Variants in PREX2 observed in about 807,000 individuals in gnomAD.
PREX2 encodes the protein phosphatidylinositol 3,4,5-trisphosphate-dependent Rac exchanger 2 protein.
PREX2 carries 107 observed loss-of-function variants against 203.2 expected under a neutral mutation model. That is an observed-to-expected ratio of 0.53 (90% CI 0.45 to 0.62). The LOEUF (loss-of-function observed/expected upper bound fraction) is 0.62, where lower values mean the gene tolerates loss of function less well. PREX2 is among the 20% of genes least tolerant of loss of function. The pLI is 0.00. For synonymous variants in PREX2, 672 were observed against 663.6 expected (o/e 1.01, Z -0.19); for missense variants, 1,777 against 1,955.9 (o/e 0.91, Z 1.72).
At chr8:68,184,562 C>G (rs1812151755) in intron 35 of PREX2, among the ~76,000 whole-genome samples, 1 of 152,124 alleles carries the variant, frequency 6.6e-6, no homozygotes, top group Non-Finnish European at 1.5e-5. Flanking sequence ...TCTGTCTGAC[C>G]AAGTGAGAAC....
At chr8:68,172,400 G>A (rs1029255855) in intron 35 of PREX2, among the ~76,000 whole-genome samples, 4 of 152,192 alleles carry the variant, frequency 2.6e-5, no homozygotes, top group Non-Finnish European at 5.9e-5. Context: ...ACCAAGGACA[G>A]CACCTCGTGC....
chr8:68,114,153 C>T (rs779155868), intron 25 of PREX2, among the ~76,000 whole-genome samples: 9 of 152,154 alleles, frequency 5.9e-5, no homozygotes, highest in Non-Finnish European at 8.8e-5. Context: ...TGAGCCACCG[C>T]GCCCGGCCCT....
intron 30 of PREX2, among the ~76,000 whole-genome samples, chr8:68,123,629 C>G (rs117683872): frequency 0.011 from 1,694 of 151,960 alleles, 11 homozygotes; most frequent in Middle Eastern, 0.027. Flanking sequence ...TAACTATGGA[C>G]ACCTCTATGC....
At chr8:67,986,364 G>A (rs10088446) in intron 1 of PREX2, among the ~76,000 whole-genome samples, 59,838 of 151,590 alleles carry the variant, frequency 0.39, 12,032 homozygotes, top group East Asian at 0.6. Flanking sequence ...TTGTGATGGA[G>A]TTCCTGCTCT....
chr8:67,955,134 C>T (rs1585650263), intron 1 of PREX2, among the ~76,000 whole-genome samples: 2 of 115,968 alleles, frequency 1.7e-5, no homozygotes, highest in East Asian at 2.6e-4. Context: ...GATGACAGAG[C>T]GAGACTCCAT....
chr8:68,220,018 G>T (rs1812923019), intron 38 of PREX2, among the ~76,000 whole-genome samples: 2 of 151,768 alleles, frequency 1.3e-5, no homozygotes, highest in Non-Finnish European at 2.9e-5. Context: ...TTTGTATTAT[G>T]ATATATTAGA....
In PREX2 at chr8:68,167,330, C is replaced by CTT. The variant is rs58354162; in HGVS notation, c.4346+9908_4346+9909dup. 3.2e-3 allele frequency among the ~76,000 whole-genome samples: 446 copies of CTT among 138,632 alleles called. 5 individuals are homozygous for CTT. Among genetic ancestry groups the CTT allele is most frequent in the East Asian group, 9.0e-3 (42 of 4,676 alleles). 90.9% of individuals were successfully genotyped at this position (138,632 alleles called of 152,430 possible). Reference sequence around the variant, plus strand: ...TGCATCAGCAATGATGTGTTCTCTTCTTTTTTTTTTTTTTTGGAGACAGAG... The same window carrying CTT: ...TGCATCAGCAATGATGTGTTCTCTTCTTTTTTTTTTTTTTTTTGGAGACAGAG... On this transcript the variant is annotated intron_variant, in intron 35 of 39. Coordinates refer to ENST00000288368, the MANE Select transcript of PREX2 (RefSeq NM_024870.4).
chr8:68,202,938 T>G (rs373271780), intron 37 of PREX2, among the ~76,000 whole-genome samples: 1 of 152,292 alleles, frequency 6.6e-6, no homozygotes, highest in Admixed American at 6.5e-5. Context: ...TCACACTCCT[T>G]GGAGATAAAG....
chr8:68,137,741 C>G (rs1182116652), intron 32 of PREX2, among the ~76,000 whole-genome samples: 1 of 152,170 alleles, frequency 6.6e-6, no homozygotes, highest in African/African-American at 2.4e-5. Context: ...GAGACACACA[C>G]TAACTTTTTT....
At chr8:68,108,719 T>C (rs1178704412) in intron 24 of PREX2, among the ~76,000 whole-genome samples, 1 of 152,180 alleles carries the variant, frequency 6.6e-6, no homozygotes, top group Non-Finnish European at 1.5e-5. Flanking sequence ...CAAACTATCC[T>C]CTAGTTTTTA....
intron 1 of PREX2, among the ~76,000 whole-genome samples, chr8:67,994,321 T>C (rs747639069): frequency 2.6e-5 from 4 of 152,200 alleles, no homozygotes; most frequent in Admixed American, 6.5e-5. Context: ...AGTCACCTTG[T>C]TTGCGTTTGA....
intron 35 of PREX2, among the ~76,000 whole-genome samples, chr8:68,165,954 G>A: frequency 6.6e-6 from 1 of 152,274 alleles, no homozygotes; most frequent in East Asian, 1.9e-4. Context: ...GAAAGTATCT[G>A]CAATGTTTTA....
Position 68,217,617 on chromosome 8 carries a change from T to A in PREX2, c.4606T>A (p.Cys1536Ser). The change falls in exon 38 of 40, where the codon TGC becomes AGC. Residue 1536 changes from cysteine to serine, a missense_variant and splice_region_variant. Cys to Ser is a moderately radical substitution (Grantham distance 112, BLOSUM62 -1). Coordinates refer to ENST00000288368, the MANE Select transcript of PREX2 (RefSeq NM_024870.4). The stretch of plus-strand genomic sequence containing the variant: ...ACTTGCCCTTGCCTTGGCCCACAGG[T>A]GCACCCTGAGCGTGACGCTGGAGCA... Reference protein sequence around the residue: ...IIMCSSGVHRCTLSVTLEQAI... With the variant: ...IIMCSSGVHRSTLSVTLEQAI... 6.2e-7 allele frequency: 1 copy of A among 1,613,958 alleles called. No individual in the cohort carries two copies. Among genetic ancestry groups the A allele is most frequent in the South Asian group, 1.1e-5 (1 of 91,078 alleles).
intron 35 of PREX2, among the ~76,000 whole-genome samples, chr8:68,179,572 C>G (rs1413778310): frequency 6.6e-6 from 1 of 152,052 alleles, no homozygotes; most frequent in Admixed American, 6.6e-5. Context: ...TCTGTTTTCC[C>G]ATAAAGGAAA....
At chr8:68,230,092 A>G (rs956561525) in intron 39 of PREX2, among the ~76,000 whole-genome samples, 1 of 152,206 alleles carries the variant, frequency 6.6e-6, no homozygotes, top group African/African-American at 2.4e-5. Flanking sequence ...GCAAACCTCC[A>G]AAGTCAATAG....
intron 11 of PREX2, 58 bp from the exon 12 acceptor site, chr8:68,068,975 G>C: frequency 1.5e-6 from 1 of 669,802 alleles, no homozygotes; most frequent in Non-Finnish European, 2.4e-6. Context: ...TTTATTTGCT[G>C]TTTATCTGCC....
At chr8:68,025,708 T>C (rs574027765) in intron 4 of PREX2, among the ~76,000 whole-genome samples, 1 of 152,180 alleles carries the variant, frequency 6.6e-6, no homozygotes, top group Admixed American at 6.5e-5. Context: ...CAAGCGATCC[T>C]CTTACCTCAG....
At chr8:68,184,806 C>T (rs944388689) in intron 35 of PREX2, among the ~76,000 whole-genome samples, 1 of 152,126 alleles carries the variant, frequency 6.6e-6, no homozygotes, top group African/African-American at 2.4e-5. Flanking sequence ...CTGATTTAAC[C>T]TCTGTATATT....
At chr8:68,014,557 C>G (rs1455722051) in intron 1 of PREX2, among the ~76,000 whole-genome samples, 1 of 152,062 alleles carries the variant, frequency 6.6e-6, no homozygotes, top group Admixed American at 6.6e-5. Context: ...ATTATTGTGA[C>G]CTGTTATATG....
Sources: gnomAD v4.1 joint callset for allele counts (sites outside exome capture counted in the v4.1 genomes callset) on GRCh38, gnomAD v4.1.1 for gene constraint, MANE v1.5 for transcripts, NCBI Gene and HGNC (gene_info 2026-07-23, HGNC 2026-07-21) for gene names.